Variants in TNKS observed in about 807,000 individuals in gnomAD.
The protein encoded by TNKS is poly [ADP-ribose] polymerase tankyrase-1.
A neutral mutation model predicts 135.8 loss-of-function variants in TNKS; 72 were observed. That is an observed-to-expected ratio of 0.53 (90% CI 0.44 to 0.64). The LOEUF (loss-of-function observed/expected upper bound fraction) is 0.64, where lower values mean the gene tolerates loss of function less well. Among genes scored for constraint, TNKS ranks in the 30% least tolerant of loss-of-function variants. The probability of loss-of-function intolerance (pLI) is 0.00; values close to 1 mark genes in which losing one functional copy is unlikely to be tolerated. For synonymous variants in TNKS, 849 were observed against 649.3 expected (o/e 1.31, Z -4.68); for missense variants, 1,769 against 1,674.0 (o/e 1.06, Z -0.99).
At chr8:9,633,161 C>T (rs1800363852) in intron 3 of TNKS, among the ~76,000 whole-genome samples, 1 of 152,176 alleles carries the variant, frequency 6.6e-6, no homozygotes, top group Admixed American at 6.5e-5. Flanking sequence ...AGATTTTTTA[C>T]TCTTCCTTCC....
At chr8:9,732,710 C>G (rs1468502514) in intron 14 of TNKS, among the ~76,000 whole-genome samples, 4 of 152,166 alleles carry the variant, frequency 2.6e-5, no homozygotes, top group Non-Finnish European at 5.9e-5. Flanking sequence ...GCTTACAAAT[C>G]AGAGCTTAGA....
chr8:9,575,344 C>G (rs1350972088), intron 1 of TNKS: 9 of 975,638 alleles, frequency 9.2e-6, no homozygotes, highest in Non-Finnish European at 8.5e-6. Flanking sequence ...TTCGGCCTCC[C>G]TAAATTACAG....
At chr8:9,568,485 T>G (rs953868529) in intron 1 of TNKS, among the ~76,000 whole-genome samples, 1 of 152,190 alleles carries the variant, frequency 6.6e-6, no homozygotes, top group African/African-American at 2.4e-5. Flanking sequence ...ATGAAAAATT[T>G]AAAATGAATA....
chr8:9,767,758 G>A (rs952435966), intron 25 of TNKS, among the ~76,000 whole-genome samples: 1 of 151,962 alleles, frequency 6.6e-6, no homozygotes, highest in African/African-American at 2.4e-5. Context: ...AGGAGATTGA[G>A]ACCATCCTGG....
intron 3 of TNKS, among the ~76,000 whole-genome samples, chr8:9,661,075 A>C (rs1252655081): frequency 6.6e-6 from 1 of 151,954 alleles, no homozygotes; most frequent in Non-Finnish European, 1.5e-5. Flanking sequence ...TGCTCAATGA[A>C]ATAAAAGAGG....
At chr8:9,764,607 C>G (rs1418956866) in intron 22 of TNKS, 109 bp from the exon 23 acceptor site, 3 of 679,772 alleles carry the variant, frequency 4.4e-6, no homozygotes, top group Non-Finnish European at 6.8e-6. Flanking sequence ...ACTTGTTCAT[C>G]AATTTATAGT....
intron 1 of TNKS, among the ~76,000 whole-genome samples, chr8:9,577,798 G>A (rs35361105): frequency 0.14 from 20,830 of 152,060 alleles, 1,610 homozygotes; most frequent in Admixed American, 0.24. Flanking sequence ...ATGCCTTCCC[G>A]ATAGTCCCCA....
chr8:9,688,476 A>G (rs542093806), intron 5 of TNKS, among the ~76,000 whole-genome samples: 2 of 152,338 alleles, frequency 1.3e-5, no homozygotes, highest in South Asian at 4.1e-4. Context: ...AATTCATTGT[A>G]TACCATTTCT....
chr8:9,715,907 G>C (rs768877865), intron 11 of TNKS, among the ~76,000 whole-genome samples: 1 of 152,036 alleles, frequency 6.6e-6, no homozygotes, highest in Non-Finnish European at 1.5e-5. Context: ...TCTTTATTAT[G>C]GTTAGTCTGC....
intron 3 of TNKS, among the ~76,000 whole-genome samples, chr8:9,650,071 T>C (rs552455852): frequency 2.4e-4 from 37 of 152,000 alleles, no homozygotes; most frequent in African/African-American, 7.7e-4. Context: ...TTTGTATTTT[T>C]GGTAGAGACA....
At chr8:9,726,344 C>G (rs1170003969) in intron 12 of TNKS, among the ~76,000 whole-genome samples, 2 of 152,122 alleles carry the variant, frequency 1.3e-5, no homozygotes, top group Non-Finnish European at 2.9e-5. Context: ...GAACTGTGAT[C>G]ACGCCACTGC....
rs201607807 is a variant in TNKS at position 9,751,785 on chromosome 8, C to T, written c.3009C>T (p.Ala1003=). ...TCACTGGCCCTTTAGCAGAGTTGGC[C>T]GTAGGAGGAGCCTCCAATGCAGGGG... ...DNLTGPLAEL[A]VGGASNAGDG... The change falls in exon 19 of 27, where the codon GCC becomes GCT. Residue 1003 remains alanine, a synonymous_variant. Transcript: ENST00000310430. 54 of 1,613,956 alleles carry T rather than the reference C, an allele frequency of 3.3e-5. No individual in the cohort carries two copies. Among genetic ancestry groups the T allele is most frequent in the Admixed American group, 1.0e-4 (6 of 59,996 alleles).
rs1458609293 is a variant in TNKS at position 9,777,189 on chromosome 8, G to GT, written c.*459dup. On this transcript the variant is annotated 3_prime_UTR_variant, in exon 27 of 27. Transcript: ENST00000310430. ...ATGCATCATTGGCTATTGTTTGTTT[G>GT]TTTTTTGTTTTTTTGTGTTTTTTGG... 6.4e-6 allele frequency: 1 copy of GT among 156,230 alleles called. No individual in the cohort carries two copies. The highest frequency in any genetic ancestry group is 1.4e-5 in the Non-Finnish European group (1 of 70,220). 9.7% of individuals were successfully genotyped at this position (156,230 alleles called of 1,614,324 possible). A position where few individuals can be genotyped will look rare whatever the true frequency, so the allele number is the denominator to read the frequency against.
Position 9,556,107 on chromosome 8 carries a change from C to A in TNKS, c.168C>A (p.Phe56Leu). 6.2e-7 allele frequency: 1 copy of A among 1,600,182 alleles called. No homozygotes were observed. The highest frequency in any genetic ancestry group is 8.5e-7 in the Non-Finnish European group (1 of 1,173,982). Residue 56 changes from phenylalanine to leucine, a missense_variant, in exon 1 of 27, where the codon TTC becomes TTA. By Grantham distance (22) the Phe-to-Leu change is conservative. Around this residue, in one of 5 missense-constraint regions of TNKS, gnomAD observed 450 missense variants for 304.9 expected, o/e 1.48. Transcript: ENST00000310430. ...CCACGGCCAGCGGCCTGGCCCCCTT[C>A]GCCTCCCCGCGGCACGGCCTAGCGC... ...ASPTASGLAP[F>L]ASPRHGLALP... is the part of the protein sequence containing the mutation.
At chr8:9,570,685 A>T (rs773307756) in intron 1 of TNKS, among the ~76,000 whole-genome samples, 31 of 152,340 alleles carry the variant, frequency 2.0e-4, no homozygotes, top group Non-Finnish European at 3.8e-4. Flanking sequence ...TCCCTTGTAG[A>T]TAATGAATGG....
intron 1 of TNKS, among the ~76,000 whole-genome samples, chr8:9,565,185 G>C (rs565950682): frequency 6.6e-6 from 1 of 152,236 alleles, no homozygotes; most frequent in East Asian, 1.9e-4. Flanking sequence ...TCAGGTATCT[G>C]TTTATAGAAT....
intron 3 of TNKS, among the ~76,000 whole-genome samples, chr8:9,675,589 T>C (rs1802498646): frequency 6.6e-6 from 1 of 152,372 alleles, no homozygotes; most frequent in African/African-American, 2.4e-5. Context: ...TAAATTTAAA[T>C]GCTTTAAAGT....
chr8:9,589,179 T>C (rs1416888161), intron 2 of TNKS, among the ~76,000 whole-genome samples: 4 of 152,118 alleles, frequency 2.6e-5, no homozygotes, highest in Non-Finnish European at 4.4e-5. Context: ...GAAACAATAA[T>C]CTACTTTCAC....
At chr8:9,617,786 C>A (rs963936612) in intron 3 of TNKS, among the ~76,000 whole-genome samples, 3 of 152,058 alleles carry the variant, frequency 2.0e-5, no homozygotes, top group African/African-American at 4.8e-5. Context: ...ATGCCAGATG[C>A]AATTGTAGTA....
Sources: gnomAD v4.1 joint callset for allele counts (sites outside exome capture counted in the v4.1 genomes callset) on GRCh38, gnomAD v4.1.1 for gene constraint, gnomAD v4.1.1 regional missense constraint, MANE v1.5 for transcripts, NCBI Gene and HGNC (gene_info 2026-07-23, HGNC 2026-07-21) for gene names.